Variants in CHRNA9 observed in about 807,000 individuals in gnomAD.
The protein encoded by CHRNA9 is cholinergic receptor nicotinic alpha 9 subunit, also known as neuronal acetylcholine receptor subunit alpha-9.
CHRNA9 carries 24 observed loss-of-function variants against 36.8 expected under a neutral mutation model. The observed-to-expected ratio is 0.65, with a 90% CI of 0.47 to 0.92. The LOEUF is 0.92. CHRNA9 is among the 40% of genes least tolerant of loss of function. The pLI, the probability that CHRNA9 is intolerant of heterozygous loss-of-function variation, is 0.00. For missense variants in CHRNA9, 610 were observed against 601.2 expected (o/e 1.01, Z -0.15); for synonymous variants, 231 against 231.8 (o/e 1.00, Z 0.03).
intron 3 of CHRNA9, 116 bp downstream of exon 3, chr4:40,337,480 T>C: frequency 9.0e-7 from 1 of 1,112,502 alleles, no homozygotes; most frequent in African/African-American, 1.6e-5. Context: ...TTAATCCATG[T>C]TCCTAGGACT....
At chr4:40,340,051 T>C (rs56395943) in intron 3 of CHRNA9, among the ~76,000 whole-genome samples, 21,404 of 152,024 alleles carry the variant, frequency 0.14, 1,556 homozygotes, top group African/African-American at 0.16. Flanking sequence ...TAGGCTGAGG[T>C]GGTGACCTTG....
chr4:40,338,590 G>A (rs1289171842), intron 3 of CHRNA9, among the ~76,000 whole-genome samples: 1 of 152,148 alleles, frequency 6.6e-6, no homozygotes, highest in African/African-American at 2.4e-5. Context: ...CTTCCAGTGG[G>A]CATGGATTTC....
Position 40,349,198 on chromosome 4 carries a change from A to G in CHRNA9, c.682A>G (p.Thr228Ala). 1 of 1,614,182 alleles carries G rather than the reference A, an allele frequency of 6.2e-7. No individual in the cohort carries two copies. Among genetic ancestry groups the G allele is most frequent in the Non-Finnish European group, 8.5e-7 (1 of 1,180,040 alleles). The change falls in exon 4 of 5, where the codon ACA (threonine) becomes GCA (alanine). Residue 228 changes from threonine (T) to alanine (A), a missense_variant. Thr to Ala is a moderately conservative substitution (Grantham distance 58). Transcript: ENST00000310169. ...CTGCTCTGAGCCTTACCCGGATGTCACATTCACCCTCCTTCTGAAGAGGAG... is the reference window on the plus strand; with the variant it reads ...CTGCTCTGAGCCTTACCCGGATGTCGCATTCACCCTCCTTCTGAAGAGGAG... ...GCCSEPYPDVTFTLLLKRRSS... is the reference protein window; with the variant it reads ...GCCSEPYPDVAFTLLLKRRSS...
At chr4:40,352,662 G>T (rs1712836016) in intron 4 of CHRNA9, among the ~76,000 whole-genome samples, 1 of 151,692 alleles carries the variant, frequency 6.6e-6, no homozygotes, top group Non-Finnish European at 1.5e-5. Flanking sequence ...CTTTTCAAAA[G>T]TTTGCTTTTG....
intron 3 of CHRNA9, 95 bp downstream of exon 3, chr4:40,337,459 G>A: frequency 7.4e-7 from 1 of 1,350,684 alleles, no homozygotes. Flanking sequence ...AAACATGCAT[G>A]AAATTAAATA....
chr4:40,353,343 T>C (rs562989517), intron 4 of CHRNA9, among the ~76,000 whole-genome samples: 132 of 152,136 alleles, frequency 8.7e-4, no homozygotes, highest in African/African-American at 3.0e-3. Flanking sequence ...ATACAAAAAT[T>C]AGCCGGGCGT....
At chr4:40,336,192 T>C (rs1470562259) in intron 2 of CHRNA9, among the ~76,000 whole-genome samples, 1 of 152,214 alleles carries the variant, frequency 6.6e-6, no homozygotes, top group African/African-American at 2.4e-5. Context: ...CAGTCTTAGA[T>C]AATCTAAAGA....
chr4:40,337,129 A>T lies in CHRNA9; in HGVS notation c.211-81A>T, dbSNP rs1296814244. 3 of 1,290,396 alleles carry T rather than the reference A, an allele frequency of 2.3e-6. No individual in the cohort carries two copies. The Admixed American group carries it at 5.7e-5, about 25-fold the overall frequency. 79.9% of individuals were successfully genotyped at this position (1,290,396 alleles called of 1,614,324 possible). On this transcript the variant is annotated intron_variant, in intron 2 of 4. Coordinates refer to ENST00000310169, the MANE Select transcript of CHRNA9 (RefSeq NM_017581.4). Reference sequence around the variant, plus strand: ...TTTGATGAGTGTTTGTGAAATTCCTATTGTGAAGAACAAGTGTCCTATCAG... The same window carrying T: ...TTTGATGAGTGTTTGTGAAATTCCTTTTGTGAAGAACAAGTGTCCTATCAG...
rs974767945 is a variant in CHRNA9, at chr4:40,341,369, T to C, written c.365+4005T>C. 3.9e-5 allele frequency among the ~76,000 whole-genome samples: 6 copies of C among 152,188 alleles called. No individual in the cohort carries two copies. The South Asian group carries it at 6.2e-4, about 16-fold the overall frequency. Reference sequence around the variant, plus strand: ...GTGTGATCGTAGCTTACTGCAGCCTTGACCTCCTGGACTCAAGTTGAGAGA... The same window carrying C: ...GTGTGATCGTAGCTTACTGCAGCCTCGACCTCCTGGACTCAAGTTGAGAGA... On this transcript the variant is annotated intron_variant, in intron 3 of 4. Coordinates refer to ENST00000310169, the MANE Select transcript of CHRNA9 (RefSeq NM_017581.4).
chr4:40,354,226 G>A lies in CHRNA9; in HGVS notation c.1146G>A (p.Leu382=). The A allele has an allele frequency of 1.2e-6, 2 of 1,614,184 alleles. No individual in the cohort carries two copies. The highest frequency in any genetic ancestry group is 1.7e-6 in the Non-Finnish European group (2 of 1,180,038). ...KVYSKLPESN[L]KAARNKDLSR... is the part of the protein sequence containing the mutation. ...ATAGCAAACTCCCAGAGTCTAACCT[G>A]AAAGCAGCCAGGAACAAAGACCTTT... is the stretch of plus-strand genomic sequence containing the variant. The change falls in exon 5 of 5, where the codon CTG becomes CTA. Residue 382 remains leucine (L), a synonymous_variant. Transcript: ENST00000310169.
chr4:40,341,870 C>T (rs1443603616), intron 3 of CHRNA9, among the ~76,000 whole-genome samples: 1 of 152,196 alleles, frequency 6.6e-6, no homozygotes, highest in African/African-American at 2.4e-5. Flanking sequence ...TCCTGAGTAG[C>T]TGGGACTACA....
chr4:40,344,799 G>A (rs1160555135), intron 3 of CHRNA9, among the ~76,000 whole-genome samples: 1 of 152,118 alleles, frequency 6.6e-6, no homozygotes, highest in Non-Finnish European at 1.5e-5. Flanking sequence ...AATCTAATAA[G>A]CTATATATGT....
At position 40,348,795 on chromosome 4, in the gene CHRNA9, A is replaced by C; in HGVS notation, c.366-87A>C. 2.3e-6 allele frequency: 3 copies of C among 1,319,004 alleles called. No individual in the cohort carries two copies. The African/African-American group carries it at 4.4e-5, about 19-fold the overall frequency. 81.7% of individuals were successfully genotyped at this position (1,319,004 alleles called of 1,614,324 possible). A position where few individuals can be genotyped will look rare whatever the true frequency, so the allele number is the denominator to read the frequency against. On this transcript the variant is annotated intron_variant, in intron 3 of 4. Coordinates refer to ENST00000310169, the MANE Select transcript of CHRNA9 (RefSeq NM_017581.4). ...TGGTGGTCCATTGCCAAAACACTGA[A>C]GTGATGGGGACAGTGAGCTGTCTGG...
chr4:40,351,796 T>G (rs927709011), intron 4 of CHRNA9, among the ~76,000 whole-genome samples: 6 of 152,264 alleles, frequency 3.9e-5, no homozygotes, highest in African/African-American at 1.4e-4. Flanking sequence ...AGTTTTCTGA[T>G]GTTGAACTCT....
chr4:40,354,068 G>C lies in CHRNA9; in HGVS notation c.988G>C (p.Ala330Pro). 1 of 1,614,188 alleles carries C rather than the reference G, an allele frequency of 6.2e-7. No homozygotes were observed. Among genetic ancestry groups the C allele is most frequent in the Middle Eastern group, 1.6e-4 (1 of 6,062 alleles). Residue 330 changes from alanine (A) to proline (P), a missense_variant, in exon 5 of 5, where the codon GCC (alanine) becomes CCC (proline). By Grantham distance (27) the Ala-to-Pro change is conservative. Coordinates refer to ENST00000310169, the MANE Select transcript of CHRNA9 (RefSeq NM_017581.4). ...VMNIHFCGAE[A>P]RPVPHWARVV... The stretch of plus-strand genomic sequence containing the variant: ...GAATATCCACTTCTGTGGGGCCGAG[G>C]CCCGGCCGGTGCCACACTGGGCCAG...
chr4:40,341,341 C>T (rs975655113), intron 3 of CHRNA9, among the ~76,000 whole-genome samples: 27 of 151,606 alleles, frequency 1.8e-4, no homozygotes, highest in African/African-American at 5.8e-4. Flanking sequence ...CTAGAGTGCC[C>T]TGGTGTGATC....
Position 40,348,914 on chromosome 4 carries a change from C to T in CHRNA9, c.398C>T (p.Thr133Ile), listed in dbSNP as rs759884265. ...GATGAATCTTCAGAGCCTGTGAACACCAATGTGGTCCTGCGGTATGATGGG... is the reference window on the plus strand; with the variant it reads ...GATGAATCTTCAGAGCCTGTGAACATCAATGTGGTCCTGCGGTATGATGGG... Reference protein sequence around the residue: ...ADDESSEPVNTNVVLRYDGLI... With the variant: ...ADDESSEPVNINVVLRYDGLI... The change falls in exon 4 of 5, where the codon ACC becomes ATC. Residue 133 changes from threonine (T) to isoleucine (I), a missense_variant. By Grantham distance (89) the Thr-to-Ile change is moderately conservative. Coordinates refer to ENST00000310169, the MANE Select transcript of CHRNA9 (RefSeq NM_017581.4). 6.8e-6 allele frequency: 11 copies of T among 1,614,006 alleles called. No individual in the cohort carries two copies. The Admixed American group carries it at 1.7e-4, about 24-fold the overall frequency.
chr4:40,350,693 T>TACACACACACACACAC (rs59972613), intron 4 of CHRNA9, among the ~76,000 whole-genome samples: 3,720 of 143,890 alleles, frequency 0.026, 112 homozygotes, highest in Non-Finnish European at 0.032. Context: ...CTTTGCAAAA[T>TACACACACACACACAC]ACACACACAC....
In CHRNA9 at chr4:40,354,395, A is replaced by G; in HGVS notation, c.1315A>G (p.Lys439Glu). Residue 439 changes from lysine (K) to glutamate (E), a missense_variant, in exon 5 of 5, where the codon AAG becomes GAG. Physicochemically the swap from Lys to Glu is moderately conservative, Grantham distance 56. Coordinates refer to ENST00000310169, the MANE Select transcript of CHRNA9 (RefSeq NM_017581.4). ...EYIAKCLKDHKATNSKGSEWK... is the reference protein window; with the variant it reads ...EYIAKCLKDHEATNSKGSEWK... ...CATCGCCAAGTGCCTCAAAGACCAC[A>G]AGGCCACCAATTCCAAGGGGAGTGA... 2 of 1,614,154 alleles carry G rather than the reference A, an allele frequency of 1.2e-6. No homozygotes were observed. The highest frequency in any genetic ancestry group is 1.7e-6 in the Non-Finnish European group (2 of 1,179,970).
Sources: allele counts gnomAD v4.1 joint callset (sites outside exome capture counted in the v4.1 genomes callset), GRCh38; gene constraint gnomAD v4.1.1; transcripts MANE v1.5; gene names NCBI Gene and HGNC (gene_info 2026-07-23, HGNC 2026-07-21).